The following CERS6 variants were observed in gnomAD, a reference collection of about 807,000 sequenced individuals.
CERS6 encodes ceramide synthase 6.
CERS6 carries 26 observed loss-of-function variants against 56.8 expected under a neutral mutation model. That is an observed-to-expected ratio of 0.46 (90% CI 0.34 to 0.63). The LOEUF (loss-of-function observed/expected upper bound fraction) is 0.63, where lower values mean the gene tolerates loss of function less well. Ranked by LOEUF, CERS6 falls within the 30% of genes least tolerant of loss-of-function variation. The probability of loss-of-function intolerance (pLI) is 0.01; values close to 1 mark genes in which losing one functional copy is unlikely to be tolerated. For synonymous variants in CERS6, 164 were observed against 173.3 expected (o/e 0.95, Z 0.42); for missense variants, 415 against 467.5 (o/e 0.89, Z 1.04).
intron 2 of CERS6, among the ~76,000 whole-genome samples, chr2:168,554,123 A>G (rs761486303): frequency 2.0e-5 from 3 of 152,208 alleles, no homozygotes; most frequent in Non-Finnish European, 2.9e-5. Flanking sequence ...AGAAAGAGTC[A>G]TATGGATAAC....
At chr2:168,498,760 C>T (rs554332155) in intron 1 of CERS6, among the ~76,000 whole-genome samples, 3 of 152,280 alleles carry the variant, frequency 2.0e-5, no homozygotes, top group Admixed American at 1.3e-4. Context: ...TCAGTCCTTG[C>T]GCTGAAACGC....
intron 7 of CERS6, among the ~76,000 whole-genome samples, chr2:168,716,961 A>G (rs556449980): frequency 6.6e-6 from 1 of 152,266 alleles, no homozygotes; most frequent in South Asian, 2.1e-4. Flanking sequence ...AATGTTATAA[A>G]TTCAGAAGGC....
At chr2:168,725,019 G>C (rs1003600072) in intron 8 of CERS6, among the ~76,000 whole-genome samples, 2 of 152,228 alleles carry the variant, frequency 1.3e-5, no homozygotes, top group Non-Finnish European at 2.9e-5. Flanking sequence ...GGCATGGCGG[G>C]CTGCAGGTCC....
intron 4 of CERS6, among the ~76,000 whole-genome samples, chr2:168,661,364 A>G (rs1685625555): frequency 6.6e-6 from 1 of 152,234 alleles, no homozygotes. Context: ...CCTATTAATT[A>G]TAAAGAATTT....
chr2:168,645,488 A>T (rs987875459), intron 4 of CERS6, among the ~76,000 whole-genome samples: 2 of 152,010 alleles, frequency 1.3e-5, no homozygotes, highest in African/African-American at 4.8e-5. Context: ...TTGCCTTTTT[A>T]AAAAAGTTAT....
At chr2:168,697,416 A>G (rs1400666359) in intron 6 of CERS6, among the ~76,000 whole-genome samples, 1 of 152,166 alleles carries the variant, frequency 6.6e-6, no homozygotes, top group Non-Finnish European at 1.5e-5. Context: ...TGTAGTGTCA[A>G]TACATGTAGA....
chr2:168,488,874 A>T (rs1694319565), intron 1 of CERS6, among the ~76,000 whole-genome samples: 1 of 152,152 alleles, frequency 6.6e-6, no homozygotes, highest in Non-Finnish European at 1.5e-5. Flanking sequence ...TATAATCATG[A>T]TGTATATTAC....
rs5836191 is a variant in CERS6, at chr2:168,609,974, GTTT to G, written c.408-20992_408-20990del. On this transcript the variant is annotated intron_variant, in intron 3 of 9. Transcript: ENST00000305747. ...GGGAGTGAAGACAAAAGATGTGACT[GTTT>G]TTTTTTTTTTTTTTTTTTGAGATGG... is the stretch of plus-strand genomic sequence containing the variant. Among the ~76,000 whole-genome samples the G allele has an allele frequency of 9.6e-5, 9 of 93,818 alleles. No homozygotes were observed. The East Asian group carries it at 1.5e-3, about 16-fold the overall frequency. The allele number at this position is 93,818 out of a possible 152,430, so 61.5% of individuals were successfully genotyped here.
At chr2:168,664,541 G>A (rs975131497) in intron 4 of CERS6, among the ~76,000 whole-genome samples, 9 of 152,158 alleles carry the variant, frequency 5.9e-5, no homozygotes, top group Non-Finnish European at 1.3e-4. Flanking sequence ...AGCCCCAAGG[G>A]CTGCTGCTTG....
At chr2:168,685,646 A>G (rs1385214953) in intron 4 of CERS6, among the ~76,000 whole-genome samples, 2 of 152,122 alleles carry the variant, frequency 1.3e-5, no homozygotes, top group Admixed American at 6.6e-5. Context: ...AAAAAAAATC[A>G]TAGAATAAAT....
chr2:168,705,969 T>C (rs1331161531), intron 6 of CERS6, among the ~76,000 whole-genome samples: 1 of 152,210 alleles, frequency 6.6e-6, no homozygotes. Context: ...ACTAGTGTGA[T>C]TGAGCCAAGG....
chr2:168,767,665 A>T (rs938647192), intron 9 of CERS6, among the ~76,000 whole-genome samples: 6 of 152,078 alleles, frequency 3.9e-5, no homozygotes, highest in Admixed American at 6.6e-5. Context: ...AGTTCTCCTG[A>T]CCCCACCCAC....
At chr2:168,727,893 T>C (rs1033720081) in intron 8 of CERS6, among the ~76,000 whole-genome samples, 1 of 152,232 alleles carries the variant, frequency 6.6e-6, no homozygotes, top group African/African-American at 2.4e-5. Context: ...TTGGTGTGTT[T>C]TTAGTAAGTC....
chr2:168,627,154 G>A (rs1298194727), intron 3 of CERS6, among the ~76,000 whole-genome samples: 1 of 152,076 alleles, frequency 6.6e-6, no homozygotes, highest in African/African-American at 2.4e-5. Context: ...TGAATTTAAT[G>A]CTTCCTTTCC....
chr2:168,498,376 C>G (rs1276087361), intron 1 of CERS6, among the ~76,000 whole-genome samples: 1 of 152,026 alleles, frequency 6.6e-6, no homozygotes, highest in Non-Finnish European at 1.5e-5. Flanking sequence ...GGCTTTATTT[C>G]TAAAAGAGGG....
intron 1 of CERS6, among the ~76,000 whole-genome samples, chr2:168,532,476 CT>C (rs1272261017): frequency 1.3e-5 from 2 of 151,794 alleles, no homozygotes; most frequent in African/African-American, 4.8e-5. Context: ...GAATGCCATC[CT>C]TTTTTTTCTA....
intron 4 of CERS6, among the ~76,000 whole-genome samples, chr2:168,648,653 G>A (rs183391221): frequency 6.6e-6 from 1 of 152,168 alleles, no homozygotes; most frequent in Non-Finnish European, 1.5e-5. Context: ...TTTTGATGTG[G>A]GCATTTAGTG....
intron 4 of CERS6, among the ~76,000 whole-genome samples, chr2:168,690,550 T>G (rs1257364342): frequency 2.0e-5 from 3 of 152,198 alleles, no homozygotes; most frequent in African/African-American, 7.2e-5. Flanking sequence ...AGTGTCCTTC[T>G]TAAGAAGTAT....
At chr2:168,559,445 G>A (rs970663812) in intron 2 of CERS6, among the ~76,000 whole-genome samples, 12 of 152,124 alleles carry the variant, frequency 7.9e-5, no homozygotes, top group African/African-American at 2.9e-4. Flanking sequence ...TCTTGGTGAA[G>A]GTCCTCTTCC....
Sources: allele counts gnomAD v4.1 joint callset (sites outside exome capture counted in the v4.1 genomes callset), GRCh38; gene constraint gnomAD v4.1.1; transcripts MANE v1.5; gene names NCBI Gene and HGNC (gene_info 2026-07-23, HGNC 2026-07-21).